Variants in SNX9 observed in about 807,000 individuals in gnomAD.
SNX9 encodes the protein sorting nexin-9.
Under a neutral mutation model 89.4 loss-of-function variants are expected in SNX9, and 44 were observed. That is an observed-to-expected ratio of 0.49 (90% CI 0.39 to 0.63). SNX9 has a LOEUF of 0.63. SNX9 is among the 30% of genes least tolerant of loss of function. SNX9 has a pLI of 0.00. For synonymous variants in SNX9, 236 were observed against 247.8 expected (o/e 0.95, Z 0.45); for missense variants, 578 against 736.1 (o/e 0.79, Z 2.49).
chr6:157,889,430 C>CAAAAAAAAA lies in SNX9; in HGVS notation c.301-7384_301-7376dup, dbSNP rs56303673. ...TGGGTGACAGAGCAAGACCCTGTCT[C>CAAAAAAAAA]AAAAAAAAAAAAAAAAAAAAAGACA... On this transcript the variant is annotated intron_variant, in intron 4 of 17. Coordinates refer to ENST00000392185, the MANE Select transcript of SNX9 (RefSeq NM_016224.5). Among the ~76,000 whole-genome samples, 2 of 58,502 alleles carry CAAAAAAAAA rather than the reference C, an allele frequency of 3.4e-5. 1 individual carries two copies. The highest frequency in any genetic ancestry group is 1.0e-4 in the African/African-American group (2 of 19,590). 38.4% of individuals were successfully genotyped at this position (58,502 alleles called of 152,430 possible).
In SNX9 at chr6:157,910,855, A is replaced by T. The variant is rs112704852; in HGVS notation, c.949+830A>T. 2.6e-3 allele frequency among the ~76,000 whole-genome samples: 395 copies of T among 152,296 alleles called. 2 individuals are homozygous for T. The highest frequency in any genetic ancestry group is 9.1e-3 in the African/African-American group (379 of 41,564). On this transcript the variant is annotated intron_variant, in intron 9 of 17. Coordinates refer to ENST00000392185, the MANE Select transcript of SNX9 (RefSeq NM_016224.5). ...TGTGTTAAAATAAAGGTTGTGTGCC[A>T]GGTGCAGTGGCATCCCAGCACTTTG... is the stretch of plus-strand genomic sequence containing the variant.
intron 10 of SNX9, among the ~76,000 whole-genome samples, chr6:157,922,060 G>T (rs1322803588): frequency 6.6e-6 from 1 of 152,182 alleles, no homozygotes; most frequent in African/African-American, 2.4e-5. Context: ...CAGCATGATG[G>T]CAGGAAAGGG....
At chr6:157,924,582 A>G (rs143439048) in intron 10 of SNX9, 506 of 156,224 alleles carry the variant, frequency 3.2e-3, no homozygotes, top group Non-Finnish European at 4.6e-3. Flanking sequence ...GCTCAGTGAA[A>G]GTTAAAGTTT....
At chr6:157,889,129 G>C (rs1182785323) in intron 4 of SNX9, among the ~76,000 whole-genome samples, 1 of 152,056 alleles carries the variant, frequency 6.6e-6, no homozygotes, top group Non-Finnish European at 1.5e-5. Flanking sequence ...TGTGGGGATG[G>C]AGAACAAAAA....
At chr6:157,868,278 CCT>C (rs1782308661) in intron 2 of SNX9, among the ~76,000 whole-genome samples, 1 of 152,148 alleles carries the variant, frequency 6.6e-6, no homozygotes, top group African/African-American at 2.4e-5. Context: ...TTTACCAAAC[CCT>C]GTTTGAAATT....
At chr6:157,936,658 ATCTGT>A (rs1783931363) in intron 14 of SNX9, among the ~76,000 whole-genome samples, 1 of 152,200 alleles carries the variant, frequency 6.6e-6, no homozygotes, top group Non-Finnish European at 1.5e-5. Flanking sequence ...TGGTTTCCTT[ATCTGT>A]TAATCTGCAG....
chr6:157,849,361 A>G (rs1344351076), intron 1 of SNX9, among the ~76,000 whole-genome samples: 1 of 152,176 alleles, frequency 6.6e-6, no homozygotes, highest in Admixed American at 6.5e-5. Context: ...ATTGGGGTTT[A>G]TTTAGTGAAC....
chr6:157,865,359 A>C (rs918238131), intron 1 of SNX9, among the ~76,000 whole-genome samples: 2 of 151,522 alleles, frequency 1.3e-5, no homozygotes, highest in African/African-American at 4.9e-5. Context: ...AAAAAAAAAA[A>C]CACCACATAA....
At chr6:157,941,251 C>G (rs1057322112) in intron 17 of SNX9, among the ~76,000 whole-genome samples, 1 of 152,130 alleles carries the variant, frequency 6.6e-6, no homozygotes, top group Non-Finnish European at 1.5e-5. Flanking sequence ...TCCTTCCCCC[C>G]GTCACAGCCT....
intron 2 of SNX9, among the ~76,000 whole-genome samples, chr6:157,868,840 C>T (rs149275257): frequency 6.6e-6 from 1 of 152,344 alleles, no homozygotes; most frequent in African/African-American, 2.4e-5. Context: ...TTGAACCCAT[C>T]GTTACCTGCT....
chr6:157,889,501 T>C (rs1294038070), intron 4 of SNX9, among the ~76,000 whole-genome samples: 2 of 150,766 alleles, frequency 1.3e-5, no homozygotes, highest in Admixed American at 6.6e-5. Context: ...TTTGTTACAG[T>C]AAAGCTTAGG....
At position 157,847,341 on chromosome 6, in the gene SNX9, G is replaced by A. The variant is rs563352966; in HGVS notation, c.13-20206G>A. On this transcript the variant is annotated intron_variant, in intron 1 of 17. Transcript: ENST00000392185. Reference sequence around the variant, plus strand: ...TGGTCTTGAACTCCTGAGCTCAAGCGATCTGCCCACCTCCACCTCCCAAAA... The same window carrying A: ...TGGTCTTGAACTCCTGAGCTCAAGCAATCTGCCCACCTCCACCTCCCAAAA... 3.3e-5 allele frequency among the ~76,000 whole-genome samples: 5 copies of A among 152,156 alleles called. No individual in the cohort carries two copies. In the South Asian group the frequency reaches 8.3e-4, roughly 25 times the overall value.
intron 1 of SNX9, among the ~76,000 whole-genome samples, chr6:157,864,877 A>G (rs570155201): frequency 1.3e-5 from 2 of 152,246 alleles, no homozygotes; most frequent in East Asian, 3.9e-4. Flanking sequence ...AAAATACAAA[A>G]ATTAGCTGGG....
At chr6:157,826,502 GAA>G (rs760974913) in intron 1 of SNX9, among the ~76,000 whole-genome samples, 11 of 77,996 alleles carry the variant, frequency 1.4e-4, no homozygotes, top group African/African-American at 3.0e-4. Flanking sequence ...TCCATCTCAA[GAA>G]AAAAAAAAAA....
At chr6:157,901,520 G>A (rs1783097445) in intron 5 of SNX9, among the ~76,000 whole-genome samples, 1 of 151,766 alleles carries the variant, frequency 6.6e-6, no homozygotes, top group Admixed American at 6.6e-5. Context: ...TTTTGTGTGT[G>A]GTGTAAGACA....
chr6:157,854,218 G>A (rs1159936211), intron 1 of SNX9, among the ~76,000 whole-genome samples: 3 of 152,220 alleles, frequency 2.0e-5, no homozygotes, highest in Non-Finnish European at 4.4e-5. Flanking sequence ...CACCCCCAGT[G>A]AGCATGCAGT....
At chr6:157,834,160 T>TG (rs1781531634) in intron 1 of SNX9, among the ~76,000 whole-genome samples, 16 of 98,362 alleles carry the variant, frequency 1.6e-4, no homozygotes, top group African/African-American at 7.1e-4. Flanking sequence ...GTTTTTTTTT[T>TG]TTTTTTTTTT....
rs1177648226 is a variant in SNX9 at position 157,844,587 on chromosome 6, G to GTT, written c.12+21152_12+21153dup. 7.4e-4 allele frequency among the ~76,000 whole-genome samples: 97 copies of GTT among 130,262 alleles called. 1 individual carries two copies. The highest frequency in any genetic ancestry group is 2.6e-3 in the African/African-American group (86 of 32,890). The allele number at this position is 130,262 out of a possible 152,430, so 85.5% of individuals were successfully genotyped here. Reference sequence around the variant, plus strand: ...ATTTTTAATCTTGTGGCTAATCCTTGTTTTTTTTTTTTGTTTTTTTTTTTG... The same window carrying GTT: ...ATTTTTAATCTTGTGGCTAATCCTTGTTTTTTTTTTTTTTGTTTTTTTTTTTG... On this transcript the variant is annotated intron_variant, in intron 1 of 17. Coordinates refer to ENST00000392185, the MANE Select transcript of SNX9 (RefSeq NM_016224.5).
In SNX9 at chr6:157,873,149, A is replaced by G; in HGVS notation, c.147A>G (p.Arg49=). The G allele has an allele frequency of 6.2e-7, 1 of 1,602,104 alleles. No homozygotes were observed. Among genetic ancestry groups the G allele is most frequent in the Non-Finnish European group, 8.5e-7 (1 of 1,173,858 alleles). The part of the protein sequence containing the change: ...WLEGRNIKGE[R]GLVPTDYVEI... ...AAGGAAGAAACATCAAAGGAGAACG[A>G]GGGCTGGTTCCCACAGACTACGTTG... Residue 49 remains arginine (R), a synonymous_variant, in exon 3 of 18, where the codon CGA becomes CGG. Coordinates refer to ENST00000392185, the MANE Select transcript of SNX9 (RefSeq NM_016224.5).
Sources: gnomAD v4.1 joint callset for allele counts (sites outside exome capture counted in the v4.1 genomes callset) on GRCh38, gnomAD v4.1.1 for gene constraint, MANE v1.5 for transcripts, NCBI Gene and HGNC (gene_info 2026-07-23, HGNC 2026-07-21) for gene names.